The following SGCZ variants were observed in gnomAD, a reference collection of about 807,000 sequenced individuals.
The protein encoded by SGCZ is sarcoglycan zeta.
SGCZ carries 40 observed loss-of-function variants against 41.3 expected under a neutral mutation model. That is an observed-to-expected ratio of 0.97 (90% confidence interval 0.75 to 1.26). The LOEUF is 1.26. SGCZ is among the 50% of genes most tolerant of loss of function. SGCZ has a pLI of 0.00. For missense variants in SGCZ, 552 were observed against 369.8 expected, an observed-to-expected ratio of 1.49 and a Z score of -4.04; for synonymous variants, 206 against 137.5, an observed-to-expected ratio of 1.50 and a Z score of -3.49.
chr8:14,440,845 A>G (rs1174495892), intron 2 of SGCZ, among the ~76,000 whole-genome samples: 2 of 136,946 alleles, frequency 1.5e-5, no homozygotes, highest in African/African-American at 5.7e-5. Context: ...ATATGTGTAC[A>G]TATATGTACA....
chr8:14,780,088 A>T (rs528670790), intron 1 of SGCZ, among the ~76,000 whole-genome samples: 3 of 152,018 alleles, frequency 2.0e-5, no homozygotes, highest in African/African-American at 7.2e-5. Flanking sequence ...ACATAGAAAA[A>T]TACGGCCGGG....
chr8:14,283,194 T>C (rs1311896611), intron 3 of SGCZ, among the ~76,000 whole-genome samples: 2 of 151,976 alleles, frequency 1.3e-5, no homozygotes, highest in Non-Finnish European at 2.9e-5. Context: ...CGATATAGAT[T>C]AAAAAAATAC....
At chr8:14,372,513 T>C (rs1219836799) in intron 2 of SGCZ, among the ~76,000 whole-genome samples, 1 of 152,084 alleles carries the variant, frequency 6.6e-6, no homozygotes, top group Non-Finnish European at 1.5e-5. Context: ...TTATATAGTA[T>C]ATGGGCTGGT....
chr8:14,833,957 A>C (rs1402435705), intron 1 of SGCZ, among the ~76,000 whole-genome samples: 2 of 152,194 alleles, frequency 1.3e-5, no homozygotes, highest in Non-Finnish European at 2.9e-5. Context: ...GCTTAGAAAT[A>C]TTGTGGAAGC....
At chr8:14,675,168 C>T (rs1808233829) in intron 1 of SGCZ, among the ~76,000 whole-genome samples, 1 of 151,584 alleles carries the variant, frequency 6.6e-6, no homozygotes, top group African/African-American at 2.4e-5. Flanking sequence ...TCTCGATCTC[C>T]TGATCTCGTG....
At chr8:15,182,995 A>T (rs185585) in intron 1 of SGCZ, among the ~76,000 whole-genome samples, 59,127 of 151,994 alleles carry the variant, frequency 0.39, 12,418 homozygotes, top group African/African-American at 0.53. Flanking sequence ...TTAGGCCTAC[A>T]CAGGATCAGG....
At chr8:14,797,644 T>G (rs947320649) in intron 1 of SGCZ, among the ~76,000 whole-genome samples, 1 of 152,228 alleles carries the variant, frequency 6.6e-6, no homozygotes, top group Non-Finnish European at 1.5e-5. Context: ...AGGAGCTGAA[T>G]GTTATTCACC....
At chr8:14,996,704 G>T (rs1802231506) in intron 1 of SGCZ, among the ~76,000 whole-genome samples, 1 of 152,184 alleles carries the variant, frequency 6.6e-6, no homozygotes, top group Admixed American at 6.5e-5. Flanking sequence ...TGCATCAGAG[G>T]AACTCCAGAC....
chr8:14,867,460 A>G (rs977042724), intron 1 of SGCZ, among the ~76,000 whole-genome samples: 2 of 152,140 alleles, frequency 1.3e-5, no homozygotes, highest in Non-Finnish European at 2.9e-5. Context: ...TCCTTTGGGC[A>G]TACGTCCAGT....
At chr8:14,216,670 C>G (rs777093794) in intron 4 of SGCZ, among the ~76,000 whole-genome samples, 1 of 152,004 alleles carries the variant, frequency 6.6e-6, no homozygotes. Context: ...CAGAAAAATA[C>G]TTAATGATGT....
intron 1 of SGCZ, among the ~76,000 whole-genome samples, chr8:14,854,993 CT>C (rs1393082452): frequency 1.3e-5 from 2 of 151,164 alleles, no homozygotes; most frequent in East Asian, 1.9e-4. Flanking sequence ...CTGGTATGCT[CT>C]CCCACCTCCC....
At chr8:14,341,161 T>C (rs1029217028) in intron 2 of SGCZ, among the ~76,000 whole-genome samples, 1 of 152,222 alleles carries the variant, frequency 6.6e-6, no homozygotes, top group Admixed American at 6.5e-5. Context: ...CCATATTTTA[T>C]GTATTTGTTT....
intron 1 of SGCZ, among the ~76,000 whole-genome samples, chr8:14,571,133 G>T (rs1804539391): frequency 6.6e-6 from 1 of 152,100 alleles, no homozygotes; most frequent in Non-Finnish European, 1.5e-5. Context: ...CTTGGTGGAA[G>T]GTGAAGGAGA....
chr8:14,188,303 T>C (rs887068201), intron 4 of SGCZ, among the ~76,000 whole-genome samples: 1 of 152,200 alleles, frequency 6.6e-6, no homozygotes, highest in African/African-American at 2.4e-5. Flanking sequence ...ATTTCTTCTC[T>C]TTTCTTCCTT....
rs541165766 is a variant in SGCZ at position 15,066,934 on chromosome 8, A to G, written c.39+170651T>C. 3.9e-4 allele frequency among the ~76,000 whole-genome samples: 59 copies of G among 152,368 alleles called. 1 individual carries two copies. In the South Asian group the frequency reaches 0.012, roughly 31 times the overall value. On this transcript the variant is annotated intron_variant, in intron 1 of 7. Coordinates refer to ENST00000382080, the MANE Select transcript of SGCZ (RefSeq NM_139167.4). ...AATCTCTCTCAAAAGTAATACCTTT[A>G]TACATATCATCTGTATTCACTGAGA...
intron 1 of SGCZ, among the ~76,000 whole-genome samples, chr8:14,946,696 G>C (rs1030826859): frequency 9.5e-5 from 12 of 126,548 alleles, no homozygotes; most frequent in African/African-American, 2.3e-4. Flanking sequence ...TTTTTTTTGA[G>C]ATCGACTCTT....
chr8:14,922,825 A>C (rs1232009402), intron 1 of SGCZ, among the ~76,000 whole-genome samples: 1 of 152,222 alleles, frequency 6.6e-6, no homozygotes, highest in Non-Finnish European at 1.5e-5. Flanking sequence ...CCATAAAAGG[A>C]AGTAAATACT....
chr8:15,007,446 T>C (rs1393647084), intron 1 of SGCZ, among the ~76,000 whole-genome samples: 2 of 152,244 alleles, frequency 1.3e-5, no homozygotes, highest in Non-Finnish European at 2.9e-5. Flanking sequence ...CAAATAGTGG[T>C]AAAATGTGAG....
intron 1 of SGCZ, among the ~76,000 whole-genome samples, chr8:14,756,954 G>A (rs561509594): frequency 1.6e-4 from 24 of 152,162 alleles, no homozygotes; most frequent in Non-Finnish European, 2.1e-4. Context: ...CAGAATACTT[G>A]CTTTGTTTGT....
Sources: allele counts gnomAD v4.1 joint callset (sites outside exome capture counted in the v4.1 genomes callset), GRCh38; gene constraint gnomAD v4.1.1; transcripts MANE v1.5; gene names NCBI Gene and HGNC (gene_info 2026-07-23, HGNC 2026-07-21).